OCA2: variants seen among roughly 807,000 people sequenced by gnomAD.
OCA2 encodes the protein OCA2 melanosomal transmembrane protein.
A neutral mutation model predicts 100.2 loss-of-function variants in OCA2; 77 were observed. The observed-to-expected ratio is 0.77, with a 90% CI of 0.64 to 0.93. The LOEUF (loss-of-function observed/expected upper bound fraction) is 0.93. OCA2 is among the 40% of genes least tolerant of loss of function. The pLI is 0.00. For missense variants in OCA2, 1,062 were observed against 1,089.1 expected (o/e 0.98, Z 0.35); for synonymous variants, 432 against 439.2 (o/e 0.98, Z 0.21).
intron 19 of OCA2, among the ~76,000 whole-genome samples, chr15:27,902,500 T>C (rs75990021): frequency 0.012 from 1,804 of 152,330 alleles, 29 homozygotes; most frequent in African/African-American, 0.037. Context: ...GTTCCTGGGT[T>C]GTTTCAGTTA....
intron 23 of OCA2, among the ~76,000 whole-genome samples, chr15:27,768,273 G>A (rs2031435639): frequency 6.6e-6 from 1 of 152,216 alleles, no homozygotes; most frequent in African/African-American, 2.4e-5. Context: ...CTATTACTGA[G>A]AAAAGAAATA....
At chr15:28,025,594 C>A (rs1165596036) in intron 4 of OCA2, among the ~76,000 whole-genome samples, 1 of 152,238 alleles carries the variant, frequency 6.6e-6, no homozygotes, top group East Asian at 1.9e-4. Flanking sequence ...AGGGCCTTTG[C>A]CTGCCGGGAT....
chr15:28,094,262 C>T (rs565869133), intron 1 of OCA2, among the ~76,000 whole-genome samples: 2 of 152,300 alleles, frequency 1.3e-5, no homozygotes, highest in Admixed American at 1.3e-4. Context: ...CACCCCAGCC[C>T]GTGGCTGCAC....
At chr15:28,045,880 A>G (rs2043331773) in intron 2 of OCA2, among the ~76,000 whole-genome samples, 1 of 152,162 alleles carries the variant, frequency 6.6e-6, no homozygotes, top group African/African-American at 2.4e-5. Context: ...TATCCTGGTG[A>G]TATCAGGTTA....
intron 18 of OCA2, among the ~76,000 whole-genome samples, chr15:27,949,605 C>G (rs1241320291): frequency 6.6e-6 from 1 of 152,038 alleles, no homozygotes; most frequent in Non-Finnish European, 1.5e-5. Flanking sequence ...AGAGGCTGCA[C>G]TGAGTTGAGA....
chr15:28,025,208 T>G (rs1029081671), intron 4 of OCA2, among the ~76,000 whole-genome samples: 2 of 152,190 alleles, frequency 1.3e-5, no homozygotes, highest in African/African-American at 4.8e-5. Flanking sequence ...GGCTCCTGTT[T>G]CCTGGAAAAA....
At chr15:27,913,838 GGAA>G (rs1311363284) in intron 19 of OCA2, among the ~76,000 whole-genome samples, 1 of 37,060 alleles carries the variant, frequency 2.7e-5, no homozygotes, top group Non-Finnish European at 4.7e-5. Context: ...AAGAAAGAAA[GGAA>G]AGAAAGAAAG....
the OCA2 span, among the ~76,000 whole-genome samples, chr15:27,746,954 T>C: frequency 6.6e-6 from 1 of 152,208 alleles, no homozygotes; most frequent in Non-Finnish European, 1.5e-5. Flanking sequence ...GAACCCTGGC[T>C]CAAGACATCC....
intron 1 of OCA2, among the ~76,000 whole-genome samples, chr15:28,085,964 C>G (rs2044769098): frequency 6.6e-6 from 1 of 152,204 alleles, no homozygotes; most frequent in African/African-American, 2.4e-5. Context: ...CACATCCACT[C>G]AGGAGAGCAA....
chr15:27,989,888 T>A (rs561150166), intron 10 of OCA2, among the ~76,000 whole-genome samples: 1 of 152,286 alleles, frequency 6.6e-6, no homozygotes, highest in South Asian at 2.1e-4. Context: ...AATAAAGTTT[T>A]TTCTAGCCCC....
At chr15:27,757,564 C>T (rs2030484470) in intron 23 of OCA2, among the ~76,000 whole-genome samples, 1 of 152,242 alleles carries the variant, frequency 6.6e-6, no homozygotes, top group African/African-American at 2.4e-5. Flanking sequence ...ACAGGTACCA[C>T]AATACACTAG....
In OCA2 at chr15:28,038,426, T is replaced by G. The variant is rs572866643; in HGVS notation, c.228-6263A>C. On this transcript the variant is annotated intron_variant, in intron 2 of 23. Coordinates refer to ENST00000354638, the MANE Select transcript of OCA2 (RefSeq NM_000275.3). ...ATGAGCAAGGTCAGCCCTTTAAGTG[T>G]AACGTAACACAGAAAAAATACAGTG... is the stretch of plus-strand genomic sequence containing the variant. 1.0e-3 allele frequency among the ~76,000 whole-genome samples: 152 copies of G among 152,276 alleles called. 1 individual carries two copies. Among genetic ancestry groups the G allele is most frequent in the African/African-American group, 3.4e-3 (142 of 41,554 alleles).
intron 1 of OCA2, among the ~76,000 whole-genome samples, chr15:28,087,597 C>T (rs369297843): frequency 1.4e-3 from 218 of 151,904 alleles, no homozygotes; most frequent in East Asian, 6.1e-3. Context: ...AACACAAAAA[C>T]TTAGCCAGGC....
chr15:27,865,229 C>T (rs1415845815), intron 21 of OCA2, among the ~76,000 whole-genome samples: 1 of 152,106 alleles, frequency 6.6e-6, no homozygotes, highest in Admixed American at 6.5e-5. Context: ...TGAAATGCCC[C>T]ACACAGCTCA....
chr15:27,891,023 C>CAAAAAAAAAAAAAAAA (rs578093435), intron 19 of OCA2, among the ~76,000 whole-genome samples: 21 of 117,982 alleles, frequency 1.8e-4, no homozygotes, highest in African/African-American at 6.6e-4. Flanking sequence ...GACTCCATCT[C>CAAAAAAAAAAAAAAAA]AAAAAAAAAA....
At chr15:28,040,821 G>T (rs2311806) in intron 2 of OCA2, among the ~76,000 whole-genome samples, 67,420 of 151,946 alleles carry the variant, frequency 0.44, 21,297 homozygotes, top group East Asian at 0.89. Context: ...CTACAACCAG[G>T]AAAAAGATTG....
intron 2 of OCA2, among the ~76,000 whole-genome samples, chr15:28,032,507 C>T (rs367593886): frequency 7.2e-5 from 11 of 151,982 alleles, no homozygotes; most frequent in South Asian, 2.1e-4. Flanking sequence ...TTCAGAGGGA[C>T]GGGCGCGGTG....
At chr15:27,747,454 C>T in the OCA2 span, among the ~76,000 whole-genome samples, 3 of 152,180 alleles carry the variant, frequency 2.0e-5, no homozygotes, top group African/African-American at 7.2e-5. Context: ...GTTTCAAGAT[C>T]CTCCAGACTA....
chr15:27,793,322 A>AG (rs975841636), intron 23 of OCA2, among the ~76,000 whole-genome samples: 5 of 152,130 alleles, frequency 3.3e-5, no homozygotes, highest in African/African-American at 1.2e-4. Context: ...AACTATTACT[A>AG]GAATCTGAAA....
Sources: gnomAD v4.1 joint callset for allele counts (sites outside exome capture counted in the v4.1 genomes callset) on GRCh38, gnomAD v4.1.1 for gene constraint, MANE v1.5 for transcripts, NCBI Gene and HGNC (gene_info 2026-07-23, HGNC 2026-07-21) for gene names.